Variants in FAF1 observed in about 807,000 individuals in gnomAD.
The protein encoded by FAF1 is FAS-associated factor 1.
FAF1 carries 25 observed loss-of-function variants against 92.5 expected under a neutral mutation model. The ratio of observed to expected loss-of-function variants is 0.27; its 90% CI spans 0.20 to 0.38. FAF1 has a LOEUF of 0.38. Among genes scored for constraint, FAF1 ranks in the 10% least tolerant of loss-of-function variants. FAF1 has a pLI of 1.00. For synonymous variants in FAF1, 234 were observed against 273.2 expected, an observed-to-expected ratio of 0.86 and a Z score of 1.42; for missense variants, 636 against 793.3, an observed-to-expected ratio of 0.80 and a Z score of 2.38.
At chr1:50,847,419 T>TAAAAA (rs57172783) in intron 2 of FAF1, among the ~76,000 whole-genome samples, 1 of 119,616 alleles carries the variant, frequency 8.4e-6, no homozygotes, top group Non-Finnish European at 1.8e-5. Flanking sequence ...TGCCTGAAAT[T>TAAAAA]AAAAAAAAAA....
At chr1:50,815,967 C>T (rs1643968709) in intron 2 of FAF1, among the ~76,000 whole-genome samples, 1 of 149,466 alleles carries the variant, frequency 6.7e-6, no homozygotes, top group Non-Finnish European at 1.5e-5. Flanking sequence ...GTAGAGGTTG[C>T]AGTGAGCTGA....
At chr1:50,561,205 G>T (rs1649883337) in intron 13 of FAF1, among the ~76,000 whole-genome samples, 1 of 152,156 alleles carries the variant, frequency 6.6e-6, no homozygotes, top group Non-Finnish European at 1.5e-5. Flanking sequence ...GAACCAGGAT[G>T]AACTCATCTG....
At chr1:50,782,640 C>A (rs935151761) in intron 4 of FAF1, among the ~76,000 whole-genome samples, 4 of 152,086 alleles carry the variant, frequency 2.6e-5, no homozygotes, top group Non-Finnish European at 5.9e-5. Flanking sequence ...CTAGGCCTCC[C>A]AAAATGCTGG....
intron 6 of FAF1, among the ~76,000 whole-genome samples, chr1:50,724,328 CA>C (rs1658557192): frequency 6.6e-6 from 1 of 150,986 alleles, no homozygotes; most frequent in Non-Finnish European, 1.5e-5. Context: ...CACACACACA[CA>C]CCCCTGCTCA....
chr1:50,628,591 T>C (rs1326891432), intron 8 of FAF1, among the ~76,000 whole-genome samples: 1 of 152,164 alleles, frequency 6.6e-6, no homozygotes, highest in African/African-American at 2.4e-5. Flanking sequence ...GACAATACCT[T>C]CTCCTTCTTG....
At chr1:50,707,626 G>A (rs1272298672) in intron 6 of FAF1, among the ~76,000 whole-genome samples, 2 of 151,978 alleles carry the variant, frequency 1.3e-5, no homozygotes, top group African/African-American at 4.8e-5. Flanking sequence ...CCCAGAAGGT[G>A]GAGGTTGCAG....
intron 18 of FAF1, among the ~76,000 whole-genome samples, chr1:50,475,007 G>C (rs1383405892): frequency 1.3e-5 from 2 of 152,184 alleles, no homozygotes; most frequent in Admixed American, 1.3e-4. Context: ...GTCACCCTCT[G>C]TAACTTCCCA....
At chr1:50,853,659 T>G (rs1361935417) in intron 2 of FAF1, among the ~76,000 whole-genome samples, 1 of 152,044 alleles carries the variant, frequency 6.6e-6, no homozygotes, top group African/African-American at 2.4e-5. Flanking sequence ...TCACTTAACA[T>G]TGGGTTATCA....
chr1:50,641,184 T>C (rs917752843), intron 8 of FAF1, among the ~76,000 whole-genome samples: 3 of 152,124 alleles, frequency 2.0e-5, no homozygotes, highest in African/African-American at 7.2e-5. Context: ...TTTCCTAATT[T>C]GTCTTTTATT....
chr1:50,718,271 G>T (rs886489113), intron 6 of FAF1, among the ~76,000 whole-genome samples: 1 of 151,978 alleles, frequency 6.6e-6, no homozygotes, highest in African/African-American at 2.4e-5. Flanking sequence ...CTTGTGATCC[G>T]CCTGCCTCAG....
chr1:50,783,324 C>T (rs1198875840), intron 4 of FAF1, among the ~76,000 whole-genome samples: 2 of 152,168 alleles, frequency 1.3e-5, no homozygotes, highest in African/African-American at 2.4e-5. Context: ...TTCCGAAAAA[C>T]TGAAGGAGGG....
chr1:50,782,314 T>C (rs1348686134), intron 4 of FAF1, among the ~76,000 whole-genome samples: 4 of 152,130 alleles, frequency 2.6e-5, no homozygotes, highest in African/African-American at 9.7e-5. Context: ...TAGGACAAGA[T>C]GTGGAAGTGG....
chr1:50,459,809 A>G (rs1646402965), intron 18 of FAF1, among the ~76,000 whole-genome samples: 1 of 152,234 alleles, frequency 6.6e-6, no homozygotes. Context: ...GTAGAATCAA[A>G]AGACCTAGGT....
intron 4 of FAF1, among the ~76,000 whole-genome samples, chr1:50,754,886 A>C (rs1214228399): frequency 6.6e-6 from 1 of 151,506 alleles, no homozygotes; most frequent in African/African-American, 2.4e-5. Flanking sequence ...CTCCTTACAA[A>C]ACCATCAGAT....
intron 7 of FAF1, among the ~76,000 whole-genome samples, chr1:50,672,017 T>G (rs930608572): frequency 8.8e-6 from 1 of 113,474 alleles, no homozygotes; most frequent in African/African-American, 3.9e-5. Flanking sequence ...AGGGTGGTCT[T>G]TCTTTTTTTT....
intron 12 of FAF1, among the ~76,000 whole-genome samples, chr1:50,570,244 C>T (rs189064368): frequency 1.1e-4 from 17 of 152,208 alleles, no homozygotes; most frequent in East Asian, 7.7e-4. Flanking sequence ...CGAATGCAGA[C>T]GGTGAAAAAG....
chr1:50,887,530 A>T (rs940008759), intron 1 of FAF1, among the ~76,000 whole-genome samples: 3 of 152,186 alleles, frequency 2.0e-5, no homozygotes, highest in African/African-American at 7.2e-5. Flanking sequence ...TAAGTCTTTA[A>T]TCCATCTTTG....
intron 8 of FAF1, among the ~76,000 whole-genome samples, chr1:50,604,005 C>T (rs184860054): frequency 2.4e-4 from 37 of 152,268 alleles, no homozygotes; most frequent in African/African-American, 8.2e-4. Context: ...GAAATAAACA[C>T]CAACAGTTAC....
chr1:50,620,986 A>C lies in FAF1; in HGVS notation c.745-24770T>G, dbSNP rs551433122. ...GGCCCCCTCAGGCAGAGGCTGGAGC[A>C]GGGAGATATGCCGCACACTTTCCGG... On this transcript the variant is annotated intron_variant, in intron 8 of 18. Transcript: ENST00000396153. 3.3e-5 allele frequency among the ~76,000 whole-genome samples: 5 copies of C among 152,358 alleles called. No homozygotes were observed. In the East Asian group the frequency reaches 9.7e-4, roughly 29 times the overall value.
Sources: allele counts gnomAD v4.1 joint callset (sites outside exome capture counted in the v4.1 genomes callset), GRCh38; gene constraint gnomAD v4.1.1; transcripts MANE v1.5; gene names NCBI Gene and HGNC (gene_info 2026-07-23, HGNC 2026-07-21).